Variants in LMF1 observed in about 807,000 individuals in gnomAD.
LMF1 encodes the protein transmembrane protein 112.
A neutral mutation model predicts 60.6 loss-of-function variants in LMF1; 68 were observed. The ratio of observed to expected loss-of-function variants is 1.12; its 90% confidence interval spans 0.92 to 1.37. The LOEUF is 1.37. Ranked by LOEUF, LMF1 falls within the 40% of genes most tolerant of loss-of-function variation. The pLI is 0.00. For missense variants in LMF1, 948 were observed against 767.2 expected (o/e 1.24, Z -2.78); for synonymous variants, 418 against 324.7 (o/e 1.29, Z -3.09).
chr16:938,929 G>A (rs905872970), intron 2 of LMF1, among the ~76,000 whole-genome samples: 6 of 152,206 alleles, frequency 3.9e-5, no homozygotes, highest in Non-Finnish European at 5.9e-5. Flanking sequence ...GGGGAAAGAC[G>A]GGCAGACTGG....
chr16:974,359 C>T (rs1239939625), upstream of LMF1, among the ~76,000 whole-genome samples: 3 of 152,136 alleles, frequency 2.0e-5, no homozygotes, highest in African/African-American at 2.4e-5. Flanking sequence ...CACACCAACC[C>T]GAGGCGGGAG....
chr16:880,392 C>G (rs2070127773), intron 5 of LMF1, among the ~76,000 whole-genome samples: 1 of 152,210 alleles, frequency 6.6e-6, no homozygotes, highest in African/African-American at 2.4e-5. Context: ...ACTATCAAGG[C>G]CAGGCACGGT....
At chr16:856,405 C>T (rs1173950190) in intron 10 of LMF1, among the ~76,000 whole-genome samples, 1 of 152,200 alleles carries the variant, frequency 6.6e-6, no homozygotes, top group East Asian at 1.9e-4. Flanking sequence ...GCTGTGCGGG[C>T]AGCATGGTCC....
intron 1 of LMF1, among the ~76,000 whole-genome samples, chr16:967,384 G>C (rs2072946612): frequency 6.6e-6 from 1 of 152,220 alleles, no homozygotes; most frequent in African/African-American, 2.4e-5. Flanking sequence ...TTCTGGCCAG[G>C]CTGCTCTGCC....
chr16:865,107 G>C (rs1373053255), intron 10 of LMF1, among the ~76,000 whole-genome samples: 1 of 152,084 alleles, frequency 6.6e-6, no homozygotes, highest in Admixed American at 6.5e-5. Flanking sequence ...GTATCTCTTA[G>C]TATAGGTTGT....
chr16:936,704 A>G (rs2071957970), intron 2 of LMF1, among the ~76,000 whole-genome samples: 1 of 152,256 alleles, frequency 6.6e-6, no homozygotes, highest in Non-Finnish European at 1.5e-5. Flanking sequence ...ACATTGGCTA[A>G]TGCTAGAAAT....
At chr16:979,571 C>A (rs1315763393) in intron 1 of LMF1, 1 of 448,140 alleles carries the variant, frequency 2.2e-6, no homozygotes, top group Admixed American at 2.4e-5. Context: ...CCTCAGTCTC[C>A]CTTCCTCCAG....
chr16:974,908 G>A (rs1220930055), upstream of LMF1, among the ~76,000 whole-genome samples: 1 of 152,218 alleles, frequency 6.6e-6, no homozygotes, highest in African/African-American at 2.4e-5. Context: ...ATGTCCTGAA[G>A]TCTGGGTATG....
At chr16:871,824 A>G (rs1335399891) in intron 6 of LMF1, 1 of 155,352 alleles carries the variant, frequency 6.4e-6, no homozygotes, top group Non-Finnish European at 1.4e-5. Context: ...TAACGCCCCC[A>G]CTCCAAAATA....
intron 5 of LMF1, among the ~76,000 whole-genome samples, chr16:880,466 G>A (rs1194165458): frequency 6.6e-6 from 1 of 152,218 alleles, no homozygotes; most frequent in African/African-American, 2.4e-5. Flanking sequence ...GAGCCCAGGA[G>A]TTTGAAGCCA....
chr16:928,051 C>T (rs1333399780), intron 3 of LMF1, among the ~76,000 whole-genome samples: 2 of 152,218 alleles, frequency 1.3e-5, no homozygotes, highest in African/African-American at 2.4e-5. Flanking sequence ...GACAAATAAC[C>T]GAATTCCAGC....
chr16:979,396 A>AC, intron 1 of LMF1: 1 of 333,954 alleles, frequency 3.0e-6, no homozygotes, highest in Non-Finnish European at 5.9e-6. Flanking sequence ...CGCCACAGAG[A>AC]CTCCCCACCT....
In LMF1 at chr16:871,569, A is replaced by ATGAC. The variant is rs1390519507; in HGVS notation, c.898-232_898-229dup. The ATGAC allele has an allele frequency of 3.5e-5, 20 of 574,898 alleles. No homozygotes were observed. The East Asian group carries it at 5.5e-4, about 16-fold the overall frequency. The allele number at this position is 574,898 out of a possible 1,614,324, so 35.6% of individuals were successfully genotyped here. On this transcript the variant is annotated intron_variant, in intron 6 of 10. Coordinates refer to ENST00000262301, the MANE Select transcript of LMF1 (RefSeq NM_022773.4). ...CAGGTGCTTCCAGAACATTCCTCCC[A>ATGAC]TGACTGCACATTTCTGTGCAGGTTC...
chr16:934,207 A>ACT (rs1399933585), intron 3 of LMF1, 37 bp downstream of exon 3: 1 of 1,599,152 alleles, frequency 6.3e-7, no homozygotes, highest in African/African-American at 1.3e-5. Flanking sequence ...ACAACGCTCA[A>ACT]CTCTCGCAGA....
At chr16:947,705 G>T in intron 2 of LMF1, 1 of 399,498 alleles carries the variant, frequency 2.5e-6, no homozygotes, top group Non-Finnish European at 5.0e-6. Context: ...CTGAAGAGCA[G>T]CAAAGCAGCC....
intron 4 of LMF1, chr16:905,102 G>A (rs2070939216): frequency 2.6e-5 from 4 of 154,914 alleles, no homozygotes; most frequent in South Asian, 1.3e-4. Context: ...CTGTGAGGAC[G>A]CCTGTCTCTG....
chr16:928,085 C>T (rs1383382246), intron 3 of LMF1, among the ~76,000 whole-genome samples: 8 of 152,216 alleles, frequency 5.3e-5, no homozygotes, highest in South Asian at 4.1e-4. Context: ...AAACCTGGGC[C>T]GCGGCCCCAC....
chr16:873,073 G>A (rs376652917), intron 6 of LMF1: 2 of 152,270 alleles, frequency 1.3e-5, no homozygotes, highest in Non-Finnish European at 2.9e-5. Flanking sequence ...AGAAAGCTTC[G>A]GGGCTCGGGG....
intron 8 of LMF1, 89 bp downstream of exon 8, chr16:870,640 C>G: frequency 6.8e-7 from 1 of 1,476,624 alleles, no homozygotes; most frequent in Non-Finnish European, 9.4e-7. Context: ...TCATGGGGGC[C>G]TGCACTGTAA....
Sources: allele counts gnomAD v4.1 joint callset (sites outside exome capture counted in the v4.1 genomes callset), GRCh38; gene constraint gnomAD v4.1.1; transcripts MANE v1.5; gene names NCBI Gene and HGNC (gene_info 2026-07-23, HGNC 2026-07-21).